RHOA: variants seen among roughly 807,000 people sequenced by gnomAD.
RHOA encodes the protein transforming protein RhoA.
A neutral mutation model predicts 17.5 loss-of-function variants in RHOA; 3 were observed. The observed-to-expected ratio is 0.17, with a 90% CI of 0.08 to 0.44. RHOA has a LOEUF of 0.44. Among genes scored for constraint, RHOA ranks in the 20% least tolerant of loss-of-function variants. The pLI is 0.99. For synonymous variants in RHOA, 98 were observed against 88.4 expected, an observed-to-expected ratio of 1.11 and a Z score of -0.61; for missense variants, 56 against 242.3, an observed-to-expected ratio of 0.23 and a Z score of 5.10.
At chr3:49,368,798 C>T (rs1245169771) in intron 2 of RHOA, among the ~76,000 whole-genome samples, 2 of 149,352 alleles carry the variant, frequency 1.3e-5, no homozygotes, top group African/African-American at 2.5e-5. Flanking sequence ...AGCTCCGTCT[C>T]CCGGGTTCAC....
At chr3:49,391,892 G>C (rs887167778) in intron 1 of RHOA, among the ~76,000 whole-genome samples, 1 of 137,558 alleles carries the variant, frequency 7.3e-6, no homozygotes, top group Non-Finnish European at 1.5e-5. Flanking sequence ...GTAATGGCAC[G>C]ATCTCAGCTC....
At chr3:49,381,792 G>C (rs1282716323) in intron 1 of RHOA, among the ~76,000 whole-genome samples, 1 of 150,094 alleles carries the variant, frequency 6.7e-6, no homozygotes, top group Admixed American at 6.6e-5. Flanking sequence ...TTGAACCCGG[G>C]AGGAGGAAGT....
chr3:49,372,617 C>T (rs986849103), intron 2 of RHOA, among the ~76,000 whole-genome samples: 5 of 151,676 alleles, frequency 3.3e-5, no homozygotes, highest in African/African-American at 1.2e-4. Flanking sequence ...GCCTGTAGTC[C>T]CGGCTACTCC....
At chr3:49,378,976 TAAA>T (rs1190789829) in intron 1 of RHOA, among the ~76,000 whole-genome samples, 1 of 152,056 alleles carries the variant, frequency 6.6e-6, no homozygotes, top group Admixed American at 6.6e-5. Context: ...CTAATCCAAT[TAAA>T]AAATGAGCAA....
At chr3:49,371,542 A>C (rs2048147547) in intron 2 of RHOA, among the ~76,000 whole-genome samples, 2 of 152,206 alleles carry the variant, frequency 1.3e-5, no homozygotes, top group South Asian at 4.2e-4. Context: ...CAGCCTCCCA[A>C]AGTGCTGGAT....
chr3:49,360,910 T>A (rs777605711), intron 4 of RHOA: 1 of 359,368 alleles, frequency 2.8e-6, no homozygotes, highest in South Asian at 1.9e-5. Flanking sequence ...CCCTCTTTAC[T>A]AAAATACAAA....
chr3:49,406,303 G>C (rs1475548371), intron 1 of RHOA, among the ~76,000 whole-genome samples: 1 of 152,056 alleles, frequency 6.6e-6, no homozygotes, highest in South Asian at 2.1e-4. Flanking sequence ...AGACACCAGA[G>C]AATCACAACT....
At chr3:49,368,357 T>C (rs889217404) in intron 3 of RHOA, 71 bp downstream of exon 3, 6 of 1,563,712 alleles carry the variant, frequency 3.8e-6, no homozygotes, top group Middle Eastern at 2.1e-4. Flanking sequence ...TTTCAGCCAC[T>C]TGATGCCCAG....
At chr3:49,371,686 T>C (rs996703097) in intron 2 of RHOA, among the ~76,000 whole-genome samples, 3 of 152,184 alleles carry the variant, frequency 2.0e-5, no homozygotes, top group Non-Finnish European at 4.4e-5. Context: ...AATATGCTCT[T>C]CAATCAAACA....
chr3:49,402,311 C>T (rs966989842), intron 1 of RHOA, among the ~76,000 whole-genome samples: 82 of 152,210 alleles, frequency 5.4e-4, no homozygotes, highest in African/African-American at 1.9e-3. Context: ...TTAGGTACCT[C>T]CCAGTGAGCT....
chr3:49,393,147 G>A (rs541139096), intron 1 of RHOA, among the ~76,000 whole-genome samples: 2 of 152,136 alleles, frequency 1.3e-5, no homozygotes, highest in African/African-American at 2.4e-5. Flanking sequence ...CTCCAGCCTC[G>A]GCAACAGAGC....
intron 4 of RHOA, 82 bp downstream of exon 4, chr3:49,362,414 G>C (rs1480562368): frequency 6.9e-7 from 1 of 1,447,898 alleles, no homozygotes; most frequent in Non-Finnish European, 9.2e-7. Flanking sequence ...GGCCTGTGAA[G>C]GTTCCTGCTG....
chr3:49,374,154 T>C (rs2048188190), intron 2 of RHOA, among the ~76,000 whole-genome samples: 1 of 151,038 alleles, frequency 6.6e-6, no homozygotes, highest in African/African-American at 2.4e-5. Flanking sequence ...ATCGAGACCA[T>C]CCTGGCTAAC....
chr3:49,364,334 A>T (rs543806531), intron 3 of RHOA, among the ~76,000 whole-genome samples: 1 of 151,970 alleles, frequency 6.6e-6, no homozygotes, highest in African/African-American at 2.4e-5. Context: ...AAAAATACAA[A>T]ATTAGCTGGG....
intron 1 of RHOA, among the ~76,000 whole-genome samples, chr3:49,384,331 C>T (rs949703908): frequency 6.6e-6 from 1 of 152,118 alleles, no homozygotes; most frequent in African/African-American, 2.4e-5. Flanking sequence ...TTTACAAGTA[C>T]ATGGTTTGTC....
intron 1 of RHOA, among the ~76,000 whole-genome samples, chr3:49,392,752 C>T (rs1187784212): frequency 6.6e-6 from 1 of 152,172 alleles, no homozygotes; most frequent in African/African-American, 2.4e-5. Flanking sequence ...TGCAGATATA[C>T]AGCACGTCCA....
rs376169121 is a variant in RHOA at position 49,368,656 on chromosome 3, C to G, written c.157-108G>C. ...TTGAAATGGCAGACCATTGAAATGGCAGACGGTCTAAAACAGTAAAACACA... is the reference window on the plus strand; with the variant it reads ...TTGAAATGGCAGACCATTGAAATGGGAGACGGTCTAAAACAGTAAAACACA... On this transcript the variant is annotated intron_variant, in intron 2 of 4. Transcript: ENST00000418115. 1.1e-4 allele frequency: 127 copies of G among 1,200,840 alleles called. No homozygotes were observed. The African/African-American group carries it at 1.7e-3, about 16-fold the overall frequency. The allele number at this position is 1,200,840 out of a possible 1,614,324, so 74.4% of individuals were successfully genotyped here. A position where few individuals can be genotyped will look rare whatever the true frequency, so the allele number is the denominator to read the frequency against.
At chr3:49,362,786 T>C (rs2107830881) in intron 3 of RHOA, among the ~76,000 whole-genome samples, 160 bp from the exon 4 acceptor site, 1 of 152,300 alleles carries the variant, frequency 6.6e-6, no homozygotes, top group Admixed American at 6.5e-5. Flanking sequence ...AAAGGAAATA[T>C]AATCCCTTTC....
At chr3:49,361,772 T>C (rs1026376671) in intron 4 of RHOA, among the ~76,000 whole-genome samples, 1 of 152,044 alleles carries the variant, frequency 6.6e-6, no homozygotes, top group Admixed American at 6.6e-5. Context: ...TCCCAGCAAC[T>C]TGGGAGGCTG....
Sources: allele counts gnomAD v4.1 joint callset (sites outside exome capture counted in the v4.1 genomes callset), GRCh38; gene constraint gnomAD v4.1.1; transcripts MANE v1.5; gene names NCBI Gene and HGNC (gene_info 2026-07-23, HGNC 2026-07-21).